DYNC1I1: variants seen among roughly 807,000 people sequenced by gnomAD.
The protein encoded by DYNC1I1 is cytoplasmic dynein 1 intermediate chain 1.
In DYNC1I1, 43 loss-of-function variants were observed where a neutral mutation model predicts 86.6. The observed-to-expected ratio is 0.50, with a 90% CI of 0.39 to 0.64. The LOEUF (loss-of-function observed/expected upper bound fraction) is 0.64. Among genes scored for constraint, DYNC1I1 ranks in the 30% least tolerant of loss-of-function variants. The pLI, the probability that DYNC1I1 is intolerant of heterozygous loss-of-function variation, is 0.00. For missense variants in DYNC1I1, 604 were observed against 788.8 expected (o/e 0.77, Z 2.81); for synonymous variants, 262 against 283.7 (o/e 0.92, Z 0.77).
At chr7:95,836,943 C>T (rs1043896215) in intron 5 of DYNC1I1, among the ~76,000 whole-genome samples, 28 of 152,118 alleles carry the variant, frequency 1.8e-4, no homozygotes, top group African/African-American at 6.0e-4. Context: ...GTAATTTGAT[C>T]GTCTGAAGCC....
Position 95,987,006 on chromosome 7 carries a change from A to C in DYNC1I1, c.744-50A>C, listed in dbSNP as rs1793612306. ...GCCATATCAGTGCTTCTATATGAGC[A>C]GCATAGAGAAAGAGCTCCATATTTA... On this transcript the variant is annotated intron_variant, in intron 8 of 16. Transcript: ENST00000447467. 4 of 1,529,604 alleles carry C rather than the reference A, an allele frequency of 2.6e-6. No individual in the cohort carries two copies. The Admixed American group carries it at 6.7e-5, about 26-fold the overall frequency. 94.8% of individuals were successfully genotyped at this position (1,529,604 alleles called of 1,614,324 possible).
intron 9 of DYNC1I1, among the ~76,000 whole-genome samples, chr7:95,987,907 C>T (rs117075346): frequency 0.021 from 3,136 of 152,294 alleles, 59 homozygotes; most frequent in Middle Eastern, 0.031. Flanking sequence ...ATCAACATTG[C>T]CAACTTCCTC....
At chr7:95,989,261 C>T (rs1793671744) in intron 9 of DYNC1I1, among the ~76,000 whole-genome samples, 3 of 152,338 alleles carry the variant, frequency 2.0e-5, no homozygotes, top group South Asian at 4.1e-4. Context: ...TTCCCCACAA[C>T]TAGACCCTCA....
chr7:96,001,610 C>G (rs1466182916), intron 10 of DYNC1I1, among the ~76,000 whole-genome samples: 5 of 152,108 alleles, frequency 3.3e-5, no homozygotes, highest in Admixed American at 3.3e-4. Flanking sequence ...ATACTGTGTG[C>G]GTAGCCTTAC....
intron 5 of DYNC1I1, among the ~76,000 whole-genome samples, chr7:95,851,508 G>C (rs1264363610): frequency 1.3e-5 from 2 of 151,806 alleles, no homozygotes; most frequent in Non-Finnish European, 2.9e-5. Context: ...ATAAAGAGGG[G>C]CTACTGTATT....
intron 1 of DYNC1I1, among the ~76,000 whole-genome samples, chr7:95,800,093 C>G (rs577884136): frequency 6.7e-6 from 1 of 148,710 alleles, no homozygotes; most frequent in Admixed American, 6.8e-5. Context: ...TGTGCTGAAG[C>G]CAAAGTGATC....
At chr7:96,098,666 AGTT>A (rs1172680804), downstream of DYNC1I1, among the ~76,000 whole-genome samples, 2 of 152,212 alleles carry the variant, frequency 1.3e-5, no homozygotes, top group African/African-American at 2.4e-5. Context: ...GCCCAAAGAC[AGTT>A]GTTGGAGTAA....
intron 1 of DYNC1I1, among the ~76,000 whole-genome samples, chr7:95,778,874 A>C (rs908948192): frequency 1.3e-5 from 2 of 152,012 alleles, no homozygotes; most frequent in Non-Finnish European, 2.9e-5. Context: ...TGTGTTGCCC[A>C]GGCTGGTCTT....
At chr7:95,890,949 C>T (rs1373488753) in intron 6 of DYNC1I1, among the ~76,000 whole-genome samples, 1 of 152,130 alleles carries the variant, frequency 6.6e-6, no homozygotes, top group Non-Finnish European at 1.5e-5. Context: ...TTGTGTATCC[C>T]CCAAATTTCA....
intron 10 of DYNC1I1, among the ~76,000 whole-genome samples, chr7:96,002,251 G>C (rs1222970235): frequency 6.6e-6 from 1 of 152,122 alleles, no homozygotes; most frequent in East Asian, 1.9e-4. Flanking sequence ...GTTCACATTG[G>C]TCAAATTTAT....
intron 14 of DYNC1I1, among the ~76,000 whole-genome samples, chr7:96,070,180 A>T (rs2116219074): frequency 6.6e-6 from 1 of 152,336 alleles, no homozygotes; most frequent in South Asian, 2.1e-4. Flanking sequence ...TAAGTTGCAA[A>T]TAAAGTTTCC....
intron 6 of DYNC1I1, among the ~76,000 whole-genome samples, chr7:95,880,086 A>G (rs534493991): frequency 6.6e-6 from 1 of 152,178 alleles, no homozygotes; most frequent in Admixed American, 6.5e-5. Context: ...ACTAGTAATG[A>G]TGATAGTTTG....
intron 6 of DYNC1I1, among the ~76,000 whole-genome samples, chr7:95,959,397 T>A (rs1278517397): frequency 1.3e-5 from 2 of 152,070 alleles, no homozygotes. Context: ...AAGACCTAAA[T>A]CAAGGCCATG....
At chr7:95,837,499 G>T (rs1243360837) in intron 5 of DYNC1I1, 788 of 128,250 alleles carry the variant, frequency 6.1e-3, no homozygotes, top group South Asian at 0.012. Context: ...GCTCCACCCA[G>T]TTCGAGCTTC....
At chr7:95,853,942 T>G (rs951143450) in intron 5 of DYNC1I1, among the ~76,000 whole-genome samples, 7 of 152,226 alleles carry the variant, frequency 4.6e-5, no homozygotes, top group African/African-American at 1.7e-4. Flanking sequence ...TAAAGTCTAT[T>G]TTAACATGTC....
At chr7:96,084,442 C>CTTTTTTTTTTTTTTTT (rs11369815) in intron 16 of DYNC1I1, among the ~76,000 whole-genome samples, 6 of 124,736 alleles carry the variant, frequency 4.8e-5, no homozygotes, top group Admixed American at 8.8e-5. Context: ...TTTTTCTTTT[C>CTTTTTTTTTTTTTTTT]TTTTTTTTTT....
intron 6 of DYNC1I1, among the ~76,000 whole-genome samples, chr7:95,962,521 G>A (rs890890100): frequency 8.6e-5 from 13 of 151,928 alleles, no homozygotes; most frequent in Admixed American, 3.3e-4. Flanking sequence ...GGCTGGGTGG[G>A]CCACTGGACA....
At position 95,978,251 on chromosome 7, in the gene DYNC1I1, A is replaced by G. The variant is rs187381118; in HGVS notation, c.580+650A>G. Among the ~76,000 whole-genome samples the G allele has an allele frequency of 1.9e-3, 282 of 152,322 alleles. 3 individuals carry two copies. Among genetic ancestry groups the G allele is most frequent in the African/African-American group, 6.5e-3 (269 of 41,570 alleles). On this transcript the variant is annotated intron_variant, in intron 7 of 16. Transcript: ENST00000447467. ...TAGGAAGAGAGAGGTCTAAAACTTTATCCAAGGATACATAATGTACAAGTA... is the reference window on the plus strand; with the variant it reads ...TAGGAAGAGAGAGGTCTAAAACTTTGTCCAAGGATACATAATGTACAAGTA...
chr7:96,053,611 A>ATTAGCCGGGCGTAGTGGCGGGCGCCTGT (rs1554439807), intron 14 of DYNC1I1, among the ~76,000 whole-genome samples: 1 of 152,158 alleles, frequency 6.6e-6, no homozygotes. Context: ...GGCAAGACAA[A>ATTAGCCGGGCGTAGTGGCGGGCGCCTGT]AAGACAGAGG....
Sources: allele counts gnomAD v4.1 joint callset (sites outside exome capture counted in the v4.1 genomes callset), GRCh38; gene constraint gnomAD v4.1.1; transcripts MANE v1.5; gene names NCBI Gene and HGNC (gene_info 2026-07-23, HGNC 2026-07-21).